Variants in TP73 observed in about 807,000 individuals in gnomAD.
TP73 encodes the protein tumor protein p73.
TP73 carries 25 observed loss-of-function variants against 62.5 expected under a neutral mutation model. The observed-to-expected ratio is 0.40, with a 90% CI of 0.29 to 0.56. The LOEUF (loss-of-function observed/expected upper bound fraction) is 0.56, where lower values mean the gene tolerates loss of function less well. Among genes scored for constraint, TP73 ranks in the 20% least tolerant of loss-of-function variants. TP73 has a pLI of 0.46. For synonymous variants in TP73, 423 were observed against 377.5 expected (o/e 1.12, Z -1.40); for missense variants, 754 against 913.3 (o/e 0.83, Z 2.25).
At chr1:3,660,303 A>C (rs577091897) in intron 1 of TP73, among the ~76,000 whole-genome samples, 2 of 152,336 alleles carry the variant, frequency 1.3e-5, no homozygotes, top group African/African-American at 4.8e-5. Context: ...AAGCCCTTTA[A>C]TCCAGGTACA....
intron 4 of TP73, among the ~76,000 whole-genome samples, chr1:3,709,632 G>T (rs545389379): frequency 2.0e-5 from 3 of 152,276 alleles, no homozygotes; most frequent in East Asian, 1.9e-4. Flanking sequence ...AAGCCCCAAG[G>T]CATCCTCACC....
chr1:3,722,104 A>G lies in TP73; in HGVS notation c.513A>G (p.Pro171=). The G allele has an allele frequency of 6.2e-7, 1 of 1,612,822 alleles. No individual in the cohort carries two copies. Among genetic ancestry groups the G allele is most frequent in the Non-Finnish European group, 8.5e-7 (1 of 1,179,808 alleles). Residue 171 remains proline, a synonymous_variant, in exon 5 of 14, where the codon CCA becomes CCG. Coordinates refer to ENST00000378295, the MANE Select transcript of TP73 (RefSeq NM_005427.4). The part of the protein sequence containing the change: ...IQIKVSTPPP[P]GTAIRAMPVY... Reference sequence around the variant, plus strand: ...TCAAGGTGTCCACCCCGCCACCCCCAGGCACCGCCATCCGGGCCATGCCTG... The same window carrying G: ...TCAAGGTGTCCACCCCGCCACCCCCGGGCACCGCCATCCGGGCCATGCCTG...
intron 1 of TP73, among the ~76,000 whole-genome samples, chr1:3,661,796 C>G (rs6657865): frequency 2.8e-5 from 4 of 144,712 alleles, no homozygotes; most frequent in African/African-American, 1.0e-4. Context: ...TATATACATA[C>G]ACTATATATA....
At chr1:3,656,873 T>C (rs1283502401) in intron 1 of TP73, among the ~76,000 whole-genome samples, 3 of 152,240 alleles carry the variant, frequency 2.0e-5, no homozygotes, top group Non-Finnish European at 4.4e-5. Flanking sequence ...GTTTTGAATG[T>C]AGGCAGCAAA....
chr1:3,709,131 G>A (rs573118543), intron 4 of TP73, among the ~76,000 whole-genome samples: 3 of 152,296 alleles, frequency 2.0e-5, no homozygotes, highest in South Asian at 4.1e-4. Flanking sequence ...CTGGTCTGGG[G>A]TCTGGGTTCC....
intron 1 of TP73, among the ~76,000 whole-genome samples, chr1:3,656,338 C>A (rs1442199082): frequency 6.6e-6 from 1 of 152,258 alleles, no homozygotes; most frequent in African/African-American, 2.4e-5. Context: ...AACACTCGCT[C>A]ATCCAAAGTG....
chr1:3,728,062 C>G, intron 8 of TP73, 67 bp from the exon 9 acceptor site: 1 of 1,486,594 alleles, frequency 6.7e-7, no homozygotes, highest in East Asian at 2.3e-5. Context: ...GGTCTCCCTC[C>G]TCCCGGAAGG....
intron 1 of TP73, among the ~76,000 whole-genome samples, chr1:3,665,996 A>G (rs543244516): frequency 5.3e-4 from 80 of 151,310 alleles, no homozygotes; most frequent in Non-Finnish European, 1.0e-3. Context: ...TTAGCTGGGT[A>G]TAGTAATTCC....
chr1:3,694,860 A>C (rs1402141444), intron 3 of TP73, among the ~76,000 whole-genome samples: 48 of 120,392 alleles, frequency 4.0e-4, no homozygotes, highest in Admixed American at 5.0e-4. Context: ...AATCCCAGCC[A>C]TGCAGCCTCA....
At chr1:3,668,636 A>G (rs927705249) in intron 1 of TP73, 8 of 152,126 alleles carry the variant, frequency 5.3e-5, no homozygotes, top group South Asian at 2.1e-4. Context: ...TGCTGGAAGC[A>G]TGTACTGGTG....
chr1:3,693,024 T>A (rs1156565937), intron 3 of TP73, among the ~76,000 whole-genome samples: 1 of 152,118 alleles, frequency 6.6e-6, no homozygotes, highest in East Asian at 1.9e-4. Context: ...CATTCATTCA[T>A]CCCATCAGCA....
At chr1:3,680,478 C>G (rs1442685422) in intron 1 of TP73, among the ~76,000 whole-genome samples, 1 of 152,208 alleles carries the variant, frequency 6.6e-6, no homozygotes, top group Non-Finnish European at 1.5e-5. Context: ...GGCGGCAAAA[C>G]CTTCCCAGGC....
chr1:3,670,166 ATC>A lies in TP73; in HGVS notation c.-33-12161_-33-12160del, dbSNP rs1489586180. ...GGGTGCGTTTTACACCACTCTGAGG[ATC>A]TCTCTGCTCATCCCTAAGGCAGGGA... On this transcript the variant is annotated intron_variant, in intron 1 of 13. Transcript: ENST00000378295. The surrounding 1 kb of genome is among the most constrained non-coding windows in gnomAD (Gnocchi z 5.9). Among the ~76,000 whole-genome samples, 1 of 151,892 alleles carries A rather than the reference ATC, an allele frequency of 6.6e-6. No homozygotes were observed. Among genetic ancestry groups the A allele is most frequent in the Non-Finnish European group, 1.5e-5 (1 of 67,984 alleles).
chr1:3,727,478 A>C, intron 7 of TP73, 150 bp from the exon 8 acceptor site: 1 of 1,192,624 alleles, frequency 8.4e-7, no homozygotes, highest in Non-Finnish European at 1.2e-6. Flanking sequence ...GACTCCCTCT[A>C]GCGGGAACAC....
chr1:3,656,049 A>G (rs1644858409), intron 1 of TP73, among the ~76,000 whole-genome samples: 1 of 152,000 alleles, frequency 6.6e-6, no homozygotes, highest in Non-Finnish European at 1.5e-5. Flanking sequence ...TGGTGCGGGC[A>G]CCTGTAGTCC....
intron 1 of TP73, among the ~76,000 whole-genome samples, chr1:3,674,159 G>A (rs939145004): frequency 4.6e-5 from 7 of 152,204 alleles, no homozygotes; most frequent in Non-Finnish European, 1.0e-4. Context: ...CAGGAAGCTG[G>A]TTGGGGGCAC....
intron 5 of TP73, among the ~76,000 whole-genome samples, chr1:3,722,539 C>A (rs1641153081): frequency 6.6e-6 from 1 of 152,220 alleles, no homozygotes; most frequent in Admixed American, 6.5e-5. Context: ...GCAGGAGAAT[C>A]AGGGGGCAGA....
intron 1 of TP73, among the ~76,000 whole-genome samples, chr1:3,667,698 C>A (rs1645151406): frequency 6.9e-6 from 1 of 144,382 alleles, no homozygotes; most frequent in African/African-American, 2.6e-5. Context: ...TGCAGTGAGC[C>A]AAGATGGAGC....
Position 3,727,781 on chromosome 1 carries a change from GGCCA to G in TP73, c.985+13_985+16del. ...CCGCCAGCAAGCGTGGTGAGCGGCCGGCCAGGGGAACTGGACGCGTGTGGGAGGA... is the reference window on the plus strand; with the variant it reads ...CCGCCAGCAAGCGTGGTGAGCGGCCGGGGGAACTGGACGCGTGTGGGAGGA... On this transcript the variant is annotated intron_variant, in intron 8 of 13. Transcript: ENST00000378295. 6.5e-7 allele frequency: 1 copy of G among 1,528,052 alleles called. No homozygotes were observed. Among genetic ancestry groups the G allele is most frequent in the Non-Finnish European group, 8.8e-7 (1 of 1,136,404 alleles). 94.7% of individuals were successfully genotyped at this position (1,528,052 alleles called of 1,614,324 possible).
Sources: gnomAD v4.1 joint callset for allele counts (sites outside exome capture counted in the v4.1 genomes callset) on GRCh38, gnomAD v4.1.1 for gene constraint, Gnocchi (gnomAD v3.1) non-coding constraint, MANE v1.5 for transcripts, NCBI Gene and HGNC (gene_info 2026-07-23, HGNC 2026-07-21) for gene names.